The following PDZD2 variants were observed in gnomAD, a reference collection of about 807,000 sequenced individuals.
PDZD2 encodes PDZ domain containing 2, also known as PDZ domain-containing protein 2.
In PDZD2, 90 loss-of-function variants were observed where a neutral mutation model predicts 220.7. The ratio of observed to expected loss-of-function variants is 0.41; its 90% CI spans 0.34 to 0.49. The LOEUF (loss-of-function observed/expected upper bound fraction) is 0.49, where lower values mean the gene tolerates loss of function less well. Among genes scored for constraint, PDZD2 ranks in the 20% least tolerant of loss-of-function variants. The probability of loss-of-function intolerance (pLI) is 0.28; values close to 1 mark genes in which losing one functional copy is unlikely to be tolerated. For synonymous variants in PDZD2, 1,375 were observed against 1,450.5 expected, an observed-to-expected ratio of 0.95 and a Z score of 1.18; for missense variants, 3,174 against 3,608.5, an observed-to-expected ratio of 0.88 and a Z score of 3.08.
intron 15 of PDZD2, among the ~76,000 whole-genome samples, 186 bp from the exon 16 acceptor site, chr5:32,071,198 A>G (rs1390176004): frequency 2.0e-5 from 3 of 152,144 alleles, no homozygotes; most frequent in South Asian, 2.1e-4. Flanking sequence ...GGCAGATGGG[A>G]TGGGGATGAG....
intron 10 of PDZD2, 57 bp downstream of exon 10, chr5:32,053,940 G>A: frequency 2.0e-6 from 2 of 993,876 alleles, no homozygotes; most frequent in Non-Finnish European, 1.6e-6. Context: ...ATGAGAATCT[G>A]CCTCTTCACA....
rs1420515434 is a variant in PDZD2, at chr5:32,083,794, A to G, written c.3683-3337A>G. Among the ~76,000 whole-genome samples, 1 of 151,946 alleles carries G rather than the reference A, an allele frequency of 6.6e-6. No individual in the cohort carries two copies. The highest frequency in any genetic ancestry group is 6.6e-5 in the Admixed American group (1 of 15,238). ...CAGGTTCAGGCAGTTCTCCTGCCTC[A>G]GCCTCCCAAGCAGCTGGGATTACAG... is the stretch of plus-strand genomic sequence containing the variant. On this transcript the variant is annotated intron_variant, in intron 19 of 24. Coordinates refer to ENST00000438447, the MANE Select transcript of PDZD2 (RefSeq NM_178140.4). This position sits in a 1 kb window ranked among gnomAD's most constrained non-coding sequence, Gnocchi z 4.1.
At chr5:31,854,398 C>G (rs143547761) in intron 2 of PDZD2, among the ~76,000 whole-genome samples, 1 of 152,134 alleles carries the variant, frequency 6.6e-6, no homozygotes, top group Non-Finnish European at 1.5e-5. Context: ...GTGCAGTCAC[C>G]GGCGATTGTA....
chr5:31,904,811 C>G (rs1742484401), intron 2 of PDZD2, among the ~76,000 whole-genome samples: 1 of 152,096 alleles, frequency 6.6e-6, no homozygotes, highest in Non-Finnish European at 1.5e-5. Flanking sequence ...ATACAGAATT[C>G]TGGGCGCAAT....
At chr5:31,682,671 CTGTGTGTGTGTGTGTG>C (rs70955735) in intron 1 of PDZD2, among the ~76,000 whole-genome samples, 9,002 of 146,274 alleles carry the variant, frequency 0.062, 375 homozygotes, top group East Asian at 0.12. Flanking sequence ...AGTCTTTCGG[CTGTGTGTGTGTGTGTG>C]TGTGTGTGTG....
intron 2 of PDZD2, among the ~76,000 whole-genome samples, chr5:31,859,893 C>T (rs2150310603): frequency 6.6e-6 from 1 of 152,306 alleles, no homozygotes; most frequent in Non-Finnish European, 1.5e-5. Context: ...GACATACACT[C>T]TTGCTGGGGC....
chr5:31,641,189 C>T (rs747368197), intron 1 of PDZD2, among the ~76,000 whole-genome samples: 10 of 152,290 alleles, frequency 6.6e-5, no homozygotes, highest in Non-Finnish European at 1.5e-4. Context: ...GTCAGTTTGT[C>T]AGTTTCTGTC....
intron 3 of PDZD2, among the ~76,000 whole-genome samples, chr5:31,986,395 A>G (rs1458724832): frequency 6.6e-6 from 1 of 152,160 alleles, no homozygotes; most frequent in African/African-American, 2.4e-5. Flanking sequence ...TCAGCCTCGA[A>G]TATTTTAGCA....
In PDZD2 at chr5:32,090,507, C is replaced by T. The variant is rs148972263; in HGVS notation, c.7059C>T (p.Ala2353=). 8.1e-6 allele frequency: 13 copies of T among 1,614,068 alleles called. No homozygotes were observed. The African/African-American group carries it at 1.1e-4, about 13-fold the overall frequency. ...TGGCCAATGCTGACCGGCCTGTAGCCAAGTCCGGGGCTTCCCCATTTTTGT... is the reference window on the plus strand; with the variant it reads ...TGGCCAATGCTGACCGGCCTGTAGCTAAGTCCGGGGCTTCCCCATTTTTGT... ...ENLANADRPV[A]KSGASPFLSV... is the part of the protein sequence containing the mutation. Residue 2353 remains alanine, a synonymous_variant, in exon 20 of 25, where the codon GCC becomes GCT. Coordinates refer to ENST00000438447, the MANE Select transcript of PDZD2 (RefSeq NM_178140.4). The surrounding 1 kb of genome is among the most constrained non-coding windows in gnomAD (Gnocchi z 4.3).
At chr5:31,659,322 C>T (rs1377786103) in intron 1 of PDZD2, among the ~76,000 whole-genome samples, 2 of 152,254 alleles carry the variant, frequency 1.3e-5, no homozygotes, top group African/African-American at 4.8e-5. Context: ...ACTTCAGTCA[C>T]CACCTATGTA....
rs377756230 is a variant in PDZD2, at chr5:32,088,371, G to T, written c.4923G>T (p.Ser1641=). ...TAAAATACAGCACTCCGAGAGAGTC[G>T]GTGGCCAGTCCCCGTGAGAAGGCCG... ...LSLKYSTPRE[S]VASPREKAAC... The change falls in exon 20 of 25, where the codon TCG becomes TCT. Residue 1641 remains serine, a synonymous_variant. Transcript: ENST00000438447. The surrounding 1 kb of genome is among the most constrained non-coding windows in gnomAD (Gnocchi z 4.6). The T allele has an allele frequency of 6.2e-7, 1 of 1,613,994 alleles. No individual in the cohort carries two copies. The highest frequency in any genetic ancestry group is 8.5e-7 in the Non-Finnish European group (1 of 1,180,004).
chr5:31,681,140 G>A (rs1005108840), intron 1 of PDZD2, among the ~76,000 whole-genome samples: 42 of 152,182 alleles, frequency 2.8e-4, no homozygotes, highest in African/African-American at 1.0e-3. Context: ...ATATGGGGCT[G>A]CAACTTGGAT....
rs533804339 is a variant in PDZD2, at chr5:32,084,019, T to A, written c.3683-3112T>A. Among the ~76,000 whole-genome samples, 3 of 152,268 alleles carry A rather than the reference T, an allele frequency of 2.0e-5. No homozygotes were observed. In the South Asian group the frequency reaches 6.2e-4, roughly 32 times the overall value. On this transcript the variant is annotated intron_variant, in intron 19 of 24. Transcript: ENST00000438447. ...AAACAGAGTTTAAATCCCCTCCTTT[T>A]GTGTCATTGCTACTCCCCACCACCA...
intron 2 of PDZD2, among the ~76,000 whole-genome samples, chr5:31,849,226 C>T (rs944877266): frequency 3.3e-5 from 5 of 152,132 alleles, no homozygotes; most frequent in Admixed American, 1.3e-4. Flanking sequence ...TGATAAGAGG[C>T]AGTGGTGTAA....
At chr5:32,002,862 ACCC>A (rs1752327115) in intron 5 of PDZD2, among the ~76,000 whole-genome samples, 4 of 91,404 alleles carry the variant, frequency 4.4e-5, no homozygotes, top group Non-Finnish European at 6.3e-5. Flanking sequence ...ACACACACAC[ACCC>A]CACATACCAC....
intron 6 of PDZD2, among the ~76,000 whole-genome samples, chr5:32,024,256 A>G (rs1434575703): frequency 6.6e-6 from 1 of 152,222 alleles, no homozygotes; most frequent in Non-Finnish European, 1.5e-5. Context: ...AACTGTGAAG[A>G]AGGAAAAAGA....
chr5:31,675,821 C>T (rs1476422762), intron 1 of PDZD2, among the ~76,000 whole-genome samples: 4 of 152,172 alleles, frequency 2.6e-5, no homozygotes, highest in African/African-American at 9.7e-5. Flanking sequence ...CTCGGCCTTG[C>T]AAGTAGCTGG....
At chr5:31,995,752 T>G in intron 4 of PDZD2, 34 bp downstream of exon 4, 6 of 1,587,706 alleles carry the variant, frequency 3.8e-6, no homozygotes, top group Non-Finnish European at 5.2e-6. Flanking sequence ...CCCCCATCCC[T>G]CTGCCTCCTC....
chr5:31,735,993 G>A (rs1749838310), intron 1 of PDZD2, among the ~76,000 whole-genome samples: 1 of 151,918 alleles, frequency 6.6e-6, no homozygotes, highest in South Asian at 2.1e-4. Context: ...AGAGCACAAA[G>A]GAATTCTAAG....
Sources: allele counts gnomAD v4.1 joint callset (sites outside exome capture counted in the v4.1 genomes callset), GRCh38; gene constraint gnomAD v4.1.1; non-coding constraint Gnocchi (gnomAD v3.1); transcripts MANE v1.5; gene names NCBI Gene and HGNC (gene_info 2026-07-23, HGNC 2026-07-21).